The following EXT1 variants were observed in gnomAD, a reference collection of about 807,000 sequenced individuals.
The protein encoded by EXT1 is exostosin-1.
In EXT1, 20 loss-of-function variants were observed where a neutral mutation model predicts 82.5. The ratio of observed to expected loss-of-function variants is 0.24; its 90% CI spans 0.17 to 0.35. The LOEUF (loss-of-function observed/expected upper bound fraction) is 0.35, where lower values mean the gene tolerates loss of function less well. Ranked by LOEUF, EXT1 falls within the 10% of genes least tolerant of loss-of-function variation. EXT1 has a pLI of 1.00. For synonymous variants in EXT1, 348 were observed against 350.8 expected, an observed-to-expected ratio of 0.99 and a Z score of 0.09; for missense variants, 757 against 936.5, an observed-to-expected ratio of 0.81 and a Z score of 2.50.
At chr8:118,025,510 A>G (rs895777245) in intron 1 of EXT1, among the ~76,000 whole-genome samples, 3 of 152,218 alleles carry the variant, frequency 2.0e-5, no homozygotes, top group African/African-American at 4.8e-5. Flanking sequence ...AAAGCTTAGA[A>G]ACTTTCTCCA....
intron 1 of EXT1, among the ~76,000 whole-genome samples, chr8:118,032,124 T>TTTTG (rs1563634879): frequency 7.3e-6 from 1 of 137,634 alleles, no homozygotes; most frequent in South Asian, 2.6e-4. Context: ...TGGCCATTAC[T>TTTTG]CAATGGCCAA....
At chr8:117,913,105 T>G (rs1043841320) in intron 1 of EXT1, among the ~76,000 whole-genome samples, 1 of 152,060 alleles carries the variant, frequency 6.6e-6, no homozygotes, top group Non-Finnish European at 1.5e-5. Flanking sequence ...ACCTGTAATT[T>G]CAGCTACTTG....
At chr8:117,999,328 C>T (rs927477782) in intron 1 of EXT1, among the ~76,000 whole-genome samples, 1 of 152,176 alleles carries the variant, frequency 6.6e-6, no homozygotes, top group African/African-American at 2.4e-5. Flanking sequence ...AACTCCTACA[C>T]TCCAATCATT....
chr8:118,094,181 C>T, intron 1 of EXT1, among the ~76,000 whole-genome samples: 1 of 152,210 alleles, frequency 6.6e-6, no homozygotes, highest in Non-Finnish European at 1.5e-5. Context: ...TGCTCAGCTT[C>T]ACAGAACTAG....
intron 1 of EXT1, among the ~76,000 whole-genome samples, chr8:117,909,636 T>C (rs1813607984): frequency 6.6e-6 from 1 of 152,222 alleles, no homozygotes; most frequent in Non-Finnish European, 1.5e-5. Flanking sequence ...GTGCTATTAA[T>C]AGTTTGAAAA....
At chr8:117,870,638 C>G (rs1331979176) in intron 1 of EXT1, among the ~76,000 whole-genome samples, 1 of 152,176 alleles carries the variant, frequency 6.6e-6, no homozygotes, top group African/African-American at 2.4e-5. Context: ...ATTTATTTTA[C>G]TGTCATGCAA....
intron 1 of EXT1, among the ~76,000 whole-genome samples, chr8:117,881,524 T>C (rs117445400): frequency 0.016 from 2,448 of 152,300 alleles, 29 homozygotes; most frequent in Non-Finnish European, 0.025. Context: ...TGGTTCTTCC[T>C]AGTGACACAG....
intron 1 of EXT1, among the ~76,000 whole-genome samples, chr8:118,087,052 G>A (rs1380727377): frequency 6.6e-6 from 1 of 152,136 alleles, no homozygotes; most frequent in Non-Finnish European, 1.5e-5. Flanking sequence ...TGCAGCAATG[G>A]ACACACAACT....
intron 1 of EXT1, among the ~76,000 whole-genome samples, chr8:117,968,318 T>C (rs1047663072): frequency 1.3e-5 from 2 of 151,970 alleles, no homozygotes; most frequent in African/African-American, 2.4e-5. Flanking sequence ...AAAGGTCTCG[T>C]TGTGTTGCAC....
chr8:117,872,885 G>A (rs1317578354), intron 1 of EXT1, among the ~76,000 whole-genome samples: 1 of 151,890 alleles, frequency 6.6e-6, no homozygotes, highest in African/African-American at 2.4e-5. Context: ...GCCAAGATGG[G>A]ATTTTTACAT....
intron 1 of EXT1, among the ~76,000 whole-genome samples, chr8:118,083,857 A>G (rs747726112): frequency 2.6e-5 from 4 of 152,058 alleles, no homozygotes; most frequent in African/African-American, 7.2e-5. Context: ...GTGAAACCCC[A>G]TCTCTACCAA....
At chr8:118,108,059 G>A (rs377199647) in intron 1 of EXT1, among the ~76,000 whole-genome samples, 25 of 152,198 alleles carry the variant, frequency 1.6e-4, no homozygotes, top group Admixed American at 4.6e-4. Context: ...TTCTTGGCCC[G>A]ATCACAAAGA....
At chr8:117,835,677 A>G (rs1460205918) in intron 2 of EXT1, 126 bp from the exon 3 acceptor site, 3 of 728,908 alleles carry the variant, frequency 4.1e-6, no homozygotes, top group Non-Finnish European at 7.3e-6. Context: ...TGGACTGCCT[A>G]GGCCAGAAGG....
intron 1 of EXT1, among the ~76,000 whole-genome samples, chr8:117,949,122 C>A (rs1203179130): frequency 6.6e-6 from 1 of 152,078 alleles, no homozygotes; most frequent in Non-Finnish European, 1.5e-5. Flanking sequence ...CCTTGGGAGA[C>A]AAATATTCCA....
intron 8 of EXT1, among the ~76,000 whole-genome samples, chr8:117,809,798 C>G (rs1004780960): frequency 1.3e-5 from 2 of 152,142 alleles, no homozygotes; most frequent in Non-Finnish European, 2.9e-5. Flanking sequence ...CACCTTTTCA[C>G]TAGTGGTCAA....
intron 1 of EXT1, among the ~76,000 whole-genome samples, chr8:118,089,373 G>C (rs1011919008): frequency 1.3e-5 from 2 of 152,168 alleles, no homozygotes; most frequent in African/African-American, 4.8e-5. Flanking sequence ...CCTTATAGCT[G>C]TAAAAACAGA....
intron 1 of EXT1, among the ~76,000 whole-genome samples, chr8:118,097,184 G>A (rs566353894): frequency 3.9e-5 from 6 of 152,256 alleles, no homozygotes; most frequent in South Asian, 2.1e-4. Flanking sequence ...AGCGGCTCAC[G>A]CCTGTAATCC....
chr8:117,920,950 C>T (rs1456724196), intron 1 of EXT1, among the ~76,000 whole-genome samples: 1 of 152,210 alleles, frequency 6.6e-6, no homozygotes, highest in Non-Finnish European at 1.5e-5. Context: ...CAAGACTCCC[C>T]TCGTCCCTCC....
intron 1 of EXT1, among the ~76,000 whole-genome samples, chr8:117,861,979 C>T (rs1175335253): frequency 6.9e-6 from 1 of 145,652 alleles, no homozygotes; most frequent in Admixed American, 7.0e-5. Flanking sequence ...TTTTAAGCCA[C>T]GGACATTAGT....
Sources: allele counts gnomAD v4.1 joint callset (sites outside exome capture counted in the v4.1 genomes callset), GRCh38; gene constraint gnomAD v4.1.1; transcripts MANE v1.5; gene names NCBI Gene and HGNC (gene_info 2026-07-23, HGNC 2026-07-21).